Variants in ABCC11 observed in about 807,000 individuals in gnomAD.
The protein encoded by ABCC11 is ATP-binding cassette sub-family C member 11.
A neutral mutation model predicts 149.3 loss-of-function variants in ABCC11; 135 were observed. That is an observed-to-expected ratio of 0.90 (90% confidence interval 0.79 to 1.04). The LOEUF is 1.04. Ranked by LOEUF, ABCC11 falls within the 50% of genes least tolerant of loss-of-function variation. ABCC11 has a pLI of 0.00. For synonymous variants in ABCC11, 665 were observed against 671.4 expected (o/e 0.99, Z 0.15); for missense variants, 1,680 against 1,722.1 (o/e 0.98, Z 0.43).
chr16:48,180,671 G>T (rs762343458), intron 23 of ABCC11, among the ~76,000 whole-genome samples: 9 of 152,214 alleles, frequency 5.9e-5, no homozygotes, highest in Non-Finnish European at 1.2e-4. Flanking sequence ...AAGTCAGTGA[G>T]GTTCTGGCTT....
At chr16:48,200,626 T>C (rs1221722022) in intron 14 of ABCC11, 147 bp from the exon 15 acceptor site, 1 of 823,440 alleles carries the variant, frequency 1.2e-6, no homozygotes, top group Non-Finnish European at 1.8e-6. Flanking sequence ...TTTGGCATTC[T>C]GGACTTAAAA....
chr16:48,185,802 G>A (rs888671193), intron 22 of ABCC11, among the ~76,000 whole-genome samples: 2 of 152,026 alleles, frequency 1.3e-5, no homozygotes, highest in African/African-American at 4.8e-5. Context: ...GGCCTTCCCA[G>A]ATTAAACACA....
intron 26 of ABCC11, among the ~76,000 whole-genome samples, chr16:48,174,944 C>T (rs1169395317): frequency 1.3e-5 from 2 of 152,230 alleles, no homozygotes; most frequent in Non-Finnish European, 2.9e-5. Flanking sequence ...TCAAGTGATC[C>T]TCCTGCCTCA....
chr16:48,202,302 A>G (rs557981376), intron 14 of ABCC11, among the ~76,000 whole-genome samples: 3 of 152,304 alleles, frequency 2.0e-5, no homozygotes, highest in African/African-American at 7.2e-5. Flanking sequence ...AAGGATTTAT[A>G]GTCCCAGCTT....
chr16:48,181,607 T>C (rs552476247), intron 23 of ABCC11, among the ~76,000 whole-genome samples: 22 of 151,642 alleles, frequency 1.5e-4, no homozygotes, highest in African/African-American at 5.1e-4. Flanking sequence ...CCAAACCACA[T>C]GTTCTTTTTT....
At chr16:48,169,236 T>A (rs1965536330) in intron 28 of ABCC11, among the ~76,000 whole-genome samples, 1 of 152,202 alleles carries the variant, frequency 6.6e-6, no homozygotes, top group East Asian at 1.9e-4. Context: ...AGGATCATCA[T>A]TTGGTCTAGT....
intron 10 of ABCC11, among the ~76,000 whole-genome samples, chr16:48,212,693 G>T (rs1379094303): frequency 6.6e-6 from 1 of 152,182 alleles, no homozygotes; most frequent in African/African-American, 2.4e-5. Context: ...GTTCAATACA[G>T]TATTCTCAGT....
intron 20 of ABCC11, among the ~76,000 whole-genome samples, chr16:48,188,595 C>T (rs1176107325): frequency 1.3e-5 from 2 of 152,200 alleles, no homozygotes; most frequent in African/African-American, 2.4e-5. Flanking sequence ...ACAAGGTAGG[C>T]TCTAACAAAA....
In ABCC11 at chr16:48,192,646, G is replaced by A. The variant is rs2150786795; in HGVS notation, c.2580C>T (p.Ser860=). The A allele has an allele frequency of 1.9e-6, 3 of 1,614,208 alleles. No individual in the cohort carries two copies. The highest frequency in any genetic ancestry group is 2.5e-6 in the Non-Finnish European group (3 of 1,180,032). ...LGNIADNPQL[S]FYQLVYGLNA... The stretch of plus-strand genomic sequence containing the variant: ...TGAGCCCGTACACCAGCTGGTAGAA[G>A]GACAGTTGAGGATTGTCTGCAATGT... The change falls in exon 20 of 30, where the codon TCC becomes TCT. Residue 860 remains serine, a synonymous_variant. Transcript: ENST00000356608.
At chr16:48,180,893 A>T (rs1028234571) in intron 23 of ABCC11, among the ~76,000 whole-genome samples, 1 of 152,266 alleles carries the variant, frequency 6.6e-6, no homozygotes, top group Non-Finnish European at 1.5e-5. Flanking sequence ...AAGATGCTTA[A>T]ATAGTACAGC....
At chr16:48,225,999 G>T (rs1970044686) in intron 4 of ABCC11, among the ~76,000 whole-genome samples, 1 of 152,200 alleles carries the variant, frequency 6.6e-6, no homozygotes, top group East Asian at 1.9e-4. Context: ...TACTCACAAT[G>T]GTTAGAGAAG....
chr16:48,235,826 G>A (rs1970659319), intron 1 of ABCC11, among the ~76,000 whole-genome samples: 1 of 152,232 alleles, frequency 6.6e-6, no homozygotes, highest in South Asian at 2.1e-4. Context: ...CAGAGGCAAA[G>A]GTCAGGATGA....
chr16:48,211,222 AG>A (rs1415692637), intron 10 of ABCC11, 23 bp from the exon 11 acceptor site: 2 of 1,609,902 alleles, frequency 1.2e-6, no homozygotes, highest in African/African-American at 1.3e-5. Context: ...AAAAAAATAG[AG>A]GGAGGAGGAA....
At chr16:48,196,035 A>G (rs1967375651) in intron 18 of ABCC11, among the ~76,000 whole-genome samples, 197 bp downstream of exon 18, 1 of 152,218 alleles carries the variant, frequency 6.6e-6, no homozygotes, top group African/African-American at 2.4e-5. Flanking sequence ...GTATACATGA[A>G]AATATAACTT....
chr16:48,202,214 A>T (rs563016424), intron 14 of ABCC11, among the ~76,000 whole-genome samples: 2 of 152,354 alleles, frequency 1.3e-5, no homozygotes, highest in African/African-American at 4.8e-5. Flanking sequence ...ACTCTTATTT[A>T]TGCCATTTTA....
intron 26 of ABCC11, 147 bp downstream of exon 26, chr16:48,175,111 G>A: frequency 2.0e-6 from 2 of 1,003,162 alleles, no homozygotes; most frequent in Non-Finnish European, 2.9e-6. Context: ...CTTCAGTGAG[G>A]TAAGCCAGGT....
intron 10 of ABCC11, among the ~76,000 whole-genome samples, chr16:48,212,532 A>C (rs948792505): frequency 6.6e-6 from 1 of 152,232 alleles, no homozygotes; most frequent in Non-Finnish European, 1.5e-5. Flanking sequence ...CCTGTGACCC[A>C]GGTTGGACAA....
At chr16:48,230,818 C>T (rs897754124) in intron 2 of ABCC11, among the ~76,000 whole-genome samples, 2 of 151,964 alleles carry the variant, frequency 1.3e-5, no homozygotes, top group African/African-American at 4.8e-5. Context: ...TTTTATCTGA[C>T]AGTAAACAAT....
Position 48,211,158 on chromosome 16 carries a change from T to A in ABCC11, c.1398A>T (p.Thr466=). 1 of 1,614,188 alleles carries A rather than the reference T, an allele frequency of 6.2e-7. No homozygotes were observed. Among genetic ancestry groups the A allele is most frequent in the East Asian group, 2.2e-5 (1 of 44,880 alleles). Residue 466 remains threonine (T), a synonymous_variant, in exon 11 of 30, where the codon ACA becomes ACT. Transcript: ENST00000356608. ...LQESPVFYVQ[T]LQDPSKALVF... ...CCAGAGCTTTGCTGGGGTCTTGTAA[T>A]GTCTGGACATAGAAAACAGGGCTCT...
Sources: gnomAD v4.1 joint callset for allele counts (sites outside exome capture counted in the v4.1 genomes callset) on GRCh38, gnomAD v4.1.1 for gene constraint, MANE v1.5 for transcripts, NCBI Gene and HGNC (gene_info 2026-07-23, HGNC 2026-07-21) for gene names.